CTNND2: variants seen among roughly 807,000 people sequenced by gnomAD.
The protein encoded by CTNND2 is catenin delta-2.
CTNND2 carries 22 observed loss-of-function variants against 144.4 expected under a neutral mutation model. The observed-to-expected ratio is 0.15, with a 90% CI of 0.11 to 0.22. The LOEUF (loss-of-function observed/expected upper bound fraction) is 0.22. Ranked by LOEUF, CTNND2 falls within the 10% of genes least tolerant of loss-of-function variation. CTNND2 has a pLI of 1.00. For synonymous variants in CTNND2, 751 were observed against 695.6 expected (o/e 1.08, Z -1.25); for missense variants, 1,353 against 1,618.8 (o/e 0.84, Z 2.82).
intron 9 of CTNND2, among the ~76,000 whole-genome samples, chr5:11,247,767 AG>A (rs1447757965): frequency 1.3e-5 from 2 of 152,222 alleles, no homozygotes; most frequent in Non-Finnish European, 2.9e-5. Flanking sequence ...TAGAATATTT[AG>A]GTCCTTTAGA....
At chr5:11,342,627 CA>C (rs1356197814) in intron 9 of CTNND2, among the ~76,000 whole-genome samples, 1 of 152,188 alleles carries the variant, frequency 6.6e-6, no homozygotes, top group Non-Finnish European at 1.5e-5. Flanking sequence ...ATTACTGCTA[CA>C]ATTTACACAT....
At chr5:11,595,572 A>C (rs1354358872) in intron 2 of CTNND2, among the ~76,000 whole-genome samples, 1 of 152,138 alleles carries the variant, frequency 6.6e-6, no homozygotes, top group Non-Finnish European at 1.5e-5. Context: ...AGAAGACAAA[A>C]TCATTTCAGA....
intron 2 of CTNND2, among the ~76,000 whole-genome samples, chr5:11,678,437 C>A (rs747057964): frequency 6.6e-6 from 1 of 152,130 alleles, no homozygotes; most frequent in Non-Finnish European, 1.5e-5. Context: ...AACCAGCAAT[C>A]CATCACCTAG....
At chr5:11,502,953 T>C (rs1009333289) in intron 3 of CTNND2, among the ~76,000 whole-genome samples, 5 of 152,214 alleles carry the variant, frequency 3.3e-5, no homozygotes, top group African/African-American at 4.8e-5. Context: ...CAACATCAAA[T>C]AGGAGTTCTA....
intron 1 of CTNND2, among the ~76,000 whole-genome samples, chr5:11,819,524 A>G (rs1793200378): frequency 6.6e-6 from 1 of 152,112 alleles, no homozygotes; most frequent in Non-Finnish European, 1.5e-5. Context: ...CTTTCCTGAC[A>G]CTTATGGGGA....
intron 2 of CTNND2, among the ~76,000 whole-genome samples, chr5:11,641,947 C>A (rs1782087636): frequency 6.6e-6 from 1 of 152,042 alleles, no homozygotes; most frequent in East Asian, 1.9e-4. Flanking sequence ...TAAAGCTGTT[C>A]ATTGATTCCA....
intron 3 of CTNND2, among the ~76,000 whole-genome samples, chr5:11,539,446 C>A (rs1048233894): frequency 1.3e-5 from 2 of 152,218 alleles, no homozygotes; most frequent in African/African-American, 4.8e-5. Flanking sequence ...AGTGTGGTGT[C>A]CACCTAGCTA....
intron 1 of CTNND2, among the ~76,000 whole-genome samples, chr5:11,778,648 T>C (rs960760255): frequency 6.6e-6 from 1 of 152,128 alleles, no homozygotes; most frequent in African/African-American, 2.4e-5. Flanking sequence ...TCTGAGAAAC[T>C]GCCACAGCCA....
At chr5:11,804,173 G>C (rs1791868586) in intron 1 of CTNND2, among the ~76,000 whole-genome samples, 1 of 152,108 alleles carries the variant, frequency 6.6e-6, no homozygotes, top group African/African-American at 2.4e-5. Context: ...CTATTAGAAT[G>C]GCTAATATCT....
intron 1 of CTNND2, among the ~76,000 whole-genome samples, chr5:11,758,598 C>A (rs1789083447): frequency 6.6e-6 from 1 of 151,924 alleles, no homozygotes; most frequent in South Asian, 2.1e-4. Context: ...ATTCAAAACT[C>A]CAAAGACAAA....
chr5:11,834,572 AT>A (rs1581973977), intron 1 of CTNND2, among the ~76,000 whole-genome samples: 1 of 152,230 alleles, frequency 6.6e-6, no homozygotes, highest in East Asian at 1.9e-4. Flanking sequence ...AATTAAAAAA[AT>A]TAAATACCTA....
intron 12 of CTNND2, among the ~76,000 whole-genome samples, chr5:11,150,617 CTTTTTTTTTTT>C (rs10602477): frequency 2.8e-5 from 2 of 72,016 alleles, no homozygotes; most frequent in South Asian, 1.3e-3. Flanking sequence ...CTGCTGCCTT[CTTTTTTTTTTT>C]TTTTTTTTTT....
intron 3 of CTNND2, among the ~76,000 whole-genome samples, chr5:11,452,456 G>C (rs1302437546): frequency 1.3e-5 from 2 of 152,170 alleles, no homozygotes; most frequent in Admixed American, 6.5e-5. Context: ...GTCCAGAGAA[G>C]AGCTAAACAG....
intron 2 of CTNND2, among the ~76,000 whole-genome samples, chr5:11,706,556 A>G (rs1486125020): frequency 6.6e-6 from 1 of 152,194 alleles, no homozygotes; most frequent in Non-Finnish European, 1.5e-5. Context: ...TCATCACACT[A>G]AAGAGTACTC....
intron 18 of CTNND2, among the ~76,000 whole-genome samples, chr5:11,001,350 C>T (rs1739941577): frequency 6.6e-6 from 1 of 152,124 alleles, no homozygotes; most frequent in Admixed American, 6.5e-5. Context: ...GTTTTCTTTC[C>T]ATGATAGTAA....
At chr5:11,276,741 T>C (rs1746573346) in intron 9 of CTNND2, among the ~76,000 whole-genome samples, 1 of 152,170 alleles carries the variant, frequency 6.6e-6, no homozygotes, top group South Asian at 2.1e-4. Context: ...GGGCACAAAA[T>C]CCAATGACTG....
intron 2 of CTNND2, among the ~76,000 whole-genome samples, chr5:11,670,104 G>A (rs1341367362): frequency 2.0e-5 from 3 of 152,100 alleles, no homozygotes; most frequent in Non-Finnish European, 4.4e-5. Flanking sequence ...ATTGCACTGC[G>A]GTCTGAGTAA....
At chr5:10,994,834 G>GC (rs1442744780) in intron 18 of CTNND2, among the ~76,000 whole-genome samples, 1 of 152,194 alleles carries the variant, frequency 6.6e-6, no homozygotes, top group African/African-American at 2.4e-5. Context: ...AGGAGAGATG[G>GC]CCCAGGCTTG....
chr5:11,108,393 C>T lies in CTNND2; in HGVS notation c.2463+2465G>A, dbSNP rs369267878. On this transcript the variant is annotated intron_variant, in intron 14 of 21. Transcript: ENST00000304623. ...ACTGCTTTTATGCATAAAACAGCAC[C>T]GTGTATATCACAGGTGAATCTTCCA... Among the ~76,000 whole-genome samples the T allele has an allele frequency of 3.6e-4, 55 of 152,236 alleles. No homozygotes were observed. The East Asian group carries it at 5.0e-3, about 14-fold the overall frequency.
Sources: gnomAD v4.1 joint callset for allele counts (sites outside exome capture counted in the v4.1 genomes callset) on GRCh38, gnomAD v4.1.1 for gene constraint, MANE v1.5 for transcripts, NCBI Gene and HGNC (gene_info 2026-07-23, HGNC 2026-07-21) for gene names.